SULF1: variants seen among roughly 807,000 people sequenced by gnomAD.
The protein encoded by SULF1 is extracellular sulfatase Sulf-1.
In SULF1, 46 loss-of-function variants were observed where a neutral mutation model predicts 110.5. That is an observed-to-expected ratio of 0.42 (90% confidence interval 0.33 to 0.53). SULF1 has a LOEUF of 0.53. Ranked by LOEUF, SULF1 falls within the 20% of genes least tolerant of loss-of-function variation. The pLI is 0.12. For missense variants in SULF1, 941 were observed against 1,094.2 expected (o/e 0.86, Z 1.98); for synonymous variants, 371 against 387.1 (o/e 0.96, Z 0.49).
At chr8:69,541,533 A>G (rs1476251952) in intron 3 of SULF1, among the ~76,000 whole-genome samples, 1 of 152,270 alleles carries the variant, frequency 6.6e-6, no homozygotes, top group African/African-American at 2.4e-5. Flanking sequence ...TATGTGAAAG[A>G]GAAGGAAGAG....
At chr8:69,587,329 C>G (rs1373120190) in intron 7 of SULF1, among the ~76,000 whole-genome samples, 1 of 152,152 alleles carries the variant, frequency 6.6e-6, no homozygotes, top group Non-Finnish European at 1.5e-5. Context: ...CAACCTCTCC[C>G]AACAGGCTAG....
intron 3 of SULF1, among the ~76,000 whole-genome samples, chr8:69,552,824 G>A (rs138652118): frequency 2.6e-5 from 4 of 152,342 alleles, no homozygotes; most frequent in African/African-American, 9.6e-5. Flanking sequence ...GTAAAAAAAT[G>A]TAGAATTATT....
At chr8:69,599,806 G>A (rs746337386) in intron 8 of SULF1, among the ~76,000 whole-genome samples, 10 of 152,156 alleles carry the variant, frequency 6.6e-5, no homozygotes, top group Non-Finnish European at 5.9e-5. Flanking sequence ...TGAGGGAGTT[G>A]GGTGAGACAT....
chr8:69,502,304 C>T (rs1427086930), intron 3 of SULF1, among the ~76,000 whole-genome samples: 1 of 152,162 alleles, frequency 6.6e-6, no homozygotes, highest in Non-Finnish European at 1.5e-5. Context: ...GTGTGGTAGG[C>T]CCGCCATGCA....
chr8:69,505,248 A>G (rs992808633), intron 3 of SULF1, among the ~76,000 whole-genome samples: 7 of 152,186 alleles, frequency 4.6e-5, no homozygotes, highest in African/African-American at 1.7e-4. Context: ...GTTCTCATCA[A>G]AAATGTTTAC....
intron 3 of SULF1, among the ~76,000 whole-genome samples, chr8:69,556,369 A>G (rs1203727754): frequency 2.6e-5 from 4 of 152,194 alleles, no homozygotes; most frequent in African/African-American, 7.2e-5. Flanking sequence ...AAGCTCCTGC[A>G]CAATTCTTGA....
intron 5 of SULF1, among the ~76,000 whole-genome samples, chr8:69,573,486 G>A (rs1298594486): frequency 6.6e-6 from 1 of 152,170 alleles, no homozygotes; most frequent in Non-Finnish European, 1.5e-5. Context: ...TTGGATGATG[G>A]CCTCAGCTGC....
chr8:69,658,581 G>A lies in SULF1; in HGVS notation c.*46G>A. 6.6e-7 allele frequency: 1 copy of A among 1,523,594 alleles called. No homozygotes were observed. The highest frequency in any genetic ancestry group is 9.1e-7 in the Non-Finnish European group (1 of 1,097,680). The allele number at this position is 1,523,594 out of a possible 1,614,324, so 94.4% of individuals were successfully genotyped here. ...ACATCAACTGGCAAGGCCTAGAGGAGCTACACAGTGTGAATGAAAACATCT... is the reference window on the plus strand; with the variant it reads ...ACATCAACTGGCAAGGCCTAGAGGAACTACACAGTGTGAATGAAAACATCT... On this transcript the variant is annotated 3_prime_UTR_variant, in exon 23 of 23. Transcript: ENST00000402687.
intron 8 of SULF1, among the ~76,000 whole-genome samples, chr8:69,590,668 T>A (rs775717432): frequency 5.9e-5 from 9 of 152,164 alleles, no homozygotes; most frequent in Non-Finnish European, 1.2e-4. Flanking sequence ...TGGAAGTGTT[T>A]TAATGCATAA....
intron 8 of SULF1, 54 bp from the exon 9 acceptor site, chr8:69,600,549 C>T: frequency 1.3e-6 from 2 of 1,491,488 alleles, no homozygotes; most frequent in Non-Finnish European, 1.8e-6. Context: ...GAGATATTTT[C>T]CTAAAAGACT....
chr8:69,474,338 C>A lies in SULF1; in HGVS notation c.-391+7388C>A, dbSNP rs112290476. Among the ~76,000 whole-genome samples, 584 of 152,278 alleles carry A rather than the reference C, an allele frequency of 3.8e-3. 2 individuals are homozygous for A. Among genetic ancestry groups the A allele is most frequent in the Middle Eastern group, 6.8e-3 (2 of 294 alleles). On this transcript the variant is annotated intron_variant, in intron 1 of 22. Coordinates refer to the SULF1 transcript ENST00000260128. ...CAAATATGCCTTTGCTTCCCAATCA[C>A]CTTTCTGTCATATAACATGTGTTCT...
At chr8:69,632,628 T>C (rs1810665846) in intron 19 of SULF1, among the ~76,000 whole-genome samples, 1 of 152,168 alleles carries the variant, frequency 6.6e-6, no homozygotes, top group Non-Finnish European at 1.5e-5. Flanking sequence ...CAATGGTCTC[T>C]AAACATTTTT....
chr8:69,550,855 A>G (rs1305781328), intron 3 of SULF1, among the ~76,000 whole-genome samples: 1 of 152,152 alleles, frequency 6.6e-6, no homozygotes, highest in Non-Finnish European at 1.5e-5. Context: ...CCTGGTCCCC[A>G]TGATTCATGC....
Position 69,624,185 on chromosome 8 carries a change from G to C in SULF1, c.1838G>C (p.Arg613Pro). 6.3e-7 allele frequency: 1 copy of C among 1,583,506 alleles called. No individual in the cohort carries two copies. Among genetic ancestry groups the C allele is most frequent in the Non-Finnish European group, 8.6e-7 (1 of 1,163,682 alleles). Residue 613 changes from arginine to proline, a missense_variant, in exon 15 of 23, where the codon CGA becomes CCA. By Grantham distance (103) the Arg-to-Pro change is moderately radical. This residue lies in a region of SULF1 where 822 missense variants were observed against 934.3 expected (regional missense o/e 0.88). Coordinates refer to ENST00000402687, the MANE Select transcript of SULF1 (RefSeq NM_001128205.2). ...SNAVGPPTTV[R>P]VTHKCFILPN... ...GCCGTGGGCCCACCTACCACTGTCC[G>C]AGTGACACACAAGTAAGAAAGCTTT...
intron 3 of SULF1, among the ~76,000 whole-genome samples, chr8:69,513,443 GAATA>G (rs1811711680): frequency 6.6e-6 from 1 of 152,142 alleles, no homozygotes; most frequent in Admixed American, 6.5e-5. Context: ...AATAATGAAT[GAATA>G]ATCCCCAAAG....
At chr8:69,610,892 C>T (rs1808599595) in intron 13 of SULF1, among the ~76,000 whole-genome samples, 1 of 152,170 alleles carries the variant, frequency 6.6e-6, no homozygotes, top group South Asian at 2.1e-4. Flanking sequence ...TCTCTTCTCA[C>T]CTAAGGCTCA....
intron 16 of SULF1, 135 bp downstream of exon 16, chr8:69,627,441 A>G (rs1810178256): frequency 1.5e-6 from 1 of 657,712 alleles, no homozygotes; most frequent in Non-Finnish European, 2.6e-6. Context: ...AAAAAAAGTT[A>G]TTTGTCTTTC....
chr8:69,569,232 TA>T (rs1359261363), intron 5 of SULF1, among the ~76,000 whole-genome samples: 1 of 152,212 alleles, frequency 6.6e-6, no homozygotes, highest in Admixed American at 6.5e-5. Context: ...TACATGGAGA[TA>T]TTTTGTTTCT....
At chr8:69,532,002 T>G (rs1361696146) in intron 3 of SULF1, among the ~76,000 whole-genome samples, 1 of 152,166 alleles carries the variant, frequency 6.6e-6, no homozygotes, top group East Asian at 1.9e-4. Context: ...AGTTGCCAGC[T>G]GATGACCTTT....
Sources: gnomAD v4.1 joint callset for allele counts (sites outside exome capture counted in the v4.1 genomes callset) on GRCh38, gnomAD v4.1.1 for gene constraint, gnomAD v4.1.1 regional missense constraint, MANE v1.5 for transcripts, NCBI Gene and HGNC (gene_info 2026-07-23, HGNC 2026-07-21) for gene names.